The following GRM4 variants were observed in gnomAD, a reference collection of about 807,000 sequenced individuals.
GRM4 encodes metabotropic glutamate receptor 4.
GRM4 carries 28 observed loss-of-function variants against 81.7 expected under a neutral mutation model. That is an observed-to-expected ratio of 0.34 (90% CI 0.25 to 0.47). GRM4 has a LOEUF of 0.47. Among genes scored for constraint, GRM4 ranks in the 20% least tolerant of loss-of-function variants. The pLI, the probability that GRM4 is intolerant of heterozygous loss-of-function variation, is 1.00. For synonymous variants in GRM4, 488 were observed against 528.8 expected, an observed-to-expected ratio of 0.92 and a Z score of 1.06; for missense variants, 948 against 1,290.0, an observed-to-expected ratio of 0.73 and a Z score of 4.06.
chr6:34,092,580 G>A lies in GRM4; in HGVS notation c.520-481C>T, dbSNP rs1396937721. ...CTCTGCCAGCTCAGCCTCCTTCCTC[G>A]TGCCCTGCTCAGAGGAGATGGAGCC... is the stretch of plus-strand genomic sequence containing the variant. On this transcript the variant is annotated intron_variant, in intron 2 of 10. Coordinates refer to ENST00000538487, the MANE Select transcript of GRM4 (RefSeq NM_000841.4). This position sits in a 1 kb window ranked among gnomAD's most constrained non-coding sequence, Gnocchi z 6.8. 1.3e-5 allele frequency among the ~76,000 whole-genome samples: 2 copies of A among 151,946 alleles called. No individual in the cohort carries two copies. Among genetic ancestry groups the A allele is most frequent in the Non-Finnish European group, 2.9e-5 (2 of 67,972 alleles).
intron 2 of GRM4, among the ~76,000 whole-genome samples, chr6:34,117,277 G>A (rs911006359): frequency 6.6e-6 from 1 of 152,198 alleles, no homozygotes; most frequent in African/African-American, 2.4e-5. Context: ...ACTGGCCTCG[G>A]GGGAAATGGA....
chr6:34,036,071 A>T lies in GRM4; in HGVS notation c.2039T>A (p.Ile680Asn). ...LLTKTNRIYR[I>N]FEQGKRSVSA... ...GACCGAGCGCTTGCCCTGCTCGAAG[A>T]TGCGGTAGATGCGGTTGGTCTTGGT... Residue 680 changes from isoleucine (I) to asparagine (N), a missense_variant, in exon 9 of 11, where the codon ATC (isoleucine) becomes AAC (asparagine). By Grantham distance (149) the Ile-to-Asn change is moderately radical. Transcript: ENST00000538487. This position sits in a 1 kb window ranked among gnomAD's most constrained non-coding sequence, Gnocchi z 9.0. 6.2e-7 allele frequency: 1 copy of T among 1,614,170 alleles called. No individual in the cohort carries two copies. Among genetic ancestry groups the T allele is most frequent in the Non-Finnish European group, 8.5e-7 (1 of 1,180,020 alleles).
intron 2 of GRM4, among the ~76,000 whole-genome samples, chr6:34,094,164 G>C (rs1355465469): frequency 6.6e-6 from 1 of 152,232 alleles, no homozygotes; most frequent in Non-Finnish European, 1.5e-5. Context: ...GCAGGTGGAA[G>C]CTGTTTACTG....
At chr6:34,041,251 C>A (rs1012154386) in intron 6 of GRM4, among the ~76,000 whole-genome samples, 6 of 152,184 alleles carry the variant, frequency 3.9e-5, no homozygotes, top group Admixed American at 2.0e-4. Flanking sequence ...ATGTTGCCCT[C>A]ACCCCAGGGT....
chr6:34,057,913 G>A (rs1246917939), intron 5 of GRM4, among the ~76,000 whole-genome samples: 1 of 152,174 alleles, frequency 6.6e-6, no homozygotes, highest in Non-Finnish European at 1.5e-5. Flanking sequence ...GTTATGTTGT[G>A]TTTATTGTGG....
rs926921235 is a variant in GRM4 at position 34,133,665 on chromosome 6, G to A, written c.-169C>T. 9.3e-5 allele frequency: 132 copies of A among 1,416,894 alleles called. No individual in the cohort carries two copies. The highest frequency in any genetic ancestry group is 1.1e-4 in the Non-Finnish European group (125 of 1,091,416). 87.8% of individuals were successfully genotyped at this position (1,416,894 alleles called of 1,614,324 possible). On this transcript the variant is annotated 5_prime_UTR_variant, in exon 2 of 11. The change creates a premature stop within an existing upstream ORF in the 5' untranslated region. Transcript: ENST00000538487. This position sits in a 1 kb window ranked among gnomAD's most constrained non-coding sequence, Gnocchi z 6.5. ...ACCCTCTCCCACCTCCTTGTCACTC[G>A]GGCCAAGCACAGTTGCCCGCACAGT...
Position 34,028,380 on chromosome 6 carries a change from C to T in GRM4, c.2443-14G>A, listed in dbSNP as rs372537642. On this transcript the variant is annotated splice_polypyrimidine_tract_variant and intron_variant, in intron 9 of 10. Coordinates refer to ENST00000538487, the MANE Select transcript of GRM4 (RefSeq NM_000841.4). ...CTGGATGTACAGCTGGCGGAGGGCA[C>T]GGTGGCGTCAGAGCAGGCTCTGCCC... 19 of 1,605,388 alleles carry T rather than the reference C, an allele frequency of 1.2e-5. No homozygotes were observed. The highest frequency in any genetic ancestry group is 5.3e-5 in the African/African-American group (4 of 74,960).
chr6:34,062,257 A>ACT (rs1027986560), intron 3 of GRM4: 203 of 457,662 alleles, frequency 4.4e-4, no homozygotes, highest in Non-Finnish European at 2.1e-4. Context: ...TCACTTAAGT[A>ACT]CTCTGAGCCT....
At chr6:34,141,341 C>A (rs924301423) in intron 1 of GRM4, among the ~76,000 whole-genome samples, 1 of 152,212 alleles carries the variant, frequency 6.6e-6, no homozygotes, top group Non-Finnish European at 1.5e-5. Flanking sequence ...ACACCACGGC[C>A]TGCCTGTCAG....
chr6:34,089,497 G>A lies in GRM4; in HGVS notation c.736+2386C>T, dbSNP rs1768087175. The stretch of plus-strand genomic sequence containing the variant: ...TGCCCTGGCCAGGCCCCCGTAGGAT[G>A]TTGCACACTGGCATGGGGTGGCCTT... On this transcript the variant is annotated intron_variant, in intron 3 of 10. Transcript: ENST00000538487. The surrounding 1 kb of genome is among the most constrained non-coding windows in gnomAD (Gnocchi z 4.3). Among the ~76,000 whole-genome samples the A allele has an allele frequency of 1.3e-5, 2 of 152,172 alleles. No homozygotes were observed. The highest frequency in any genetic ancestry group is 2.1e-4 in the South Asian group (1 of 4,818).
At position 34,136,073 on chromosome 6, in the gene GRM4, G is replaced by A. The variant is rs766684233; in HGVS notation, c.-363-2214C>T. Among the ~76,000 whole-genome samples, 36 of 152,196 alleles carry A rather than the reference G, an allele frequency of 2.4e-4. No individual in the cohort carries two copies. Among genetic ancestry groups the A allele is most frequent in the African/African-American group, 6.5e-4 (27 of 41,454 alleles). On this transcript the variant is annotated intron_variant, in intron 1 of 10. Coordinates refer to ENST00000538487, the MANE Select transcript of GRM4 (RefSeq NM_000841.4). This position sits in a 1 kb window ranked among gnomAD's most constrained non-coding sequence, Gnocchi z 4.1. ...CCTGTCCAAATGCCGACGGTGCCTCGTGGAGAAATCACAGCAAAAGACAAC... is the reference window on the plus strand; with the variant it reads ...CCTGTCCAAATGCCGACGGTGCCTCATGGAGAAATCACAGCAAAAGACAAC...
intron 6 of GRM4, among the ~76,000 whole-genome samples, chr6:34,044,249 GAGACAT>G: frequency 8.1e-6 from 1 of 123,132 alleles, no homozygotes; most frequent in East Asian, 2.6e-4. Context: ...TACACACACA[GAGACAT>G]ACATACATAC....
chr6:34,153,170 C>T (rs954276326), intron 1 of GRM4, among the ~76,000 whole-genome samples: 1 of 152,152 alleles, frequency 6.6e-6, no homozygotes, highest in Admixed American at 6.5e-5. Flanking sequence ...GGCTCCCCGA[C>T]GCACACACCC....
Position 34,135,289 on chromosome 6 carries a change from C to G in GRM4, c.-363-1430G>C, listed in dbSNP as rs527868971. ...AGTGCCCCAGAGTCCAGCCTCAGCT[C>G]CTGAGCTTCTCCAGCCTTCTAGACC... On this transcript the variant is annotated intron_variant, in intron 1 of 10. Coordinates refer to ENST00000538487, the MANE Select transcript of GRM4 (RefSeq NM_000841.4). 3.9e-5 allele frequency among the ~76,000 whole-genome samples: 6 copies of G among 152,340 alleles called. No homozygotes were observed. The East Asian group carries it at 1.2e-3, about 29-fold the overall frequency.
At chr6:34,110,220 G>A (rs1255478680) in intron 2 of GRM4, among the ~76,000 whole-genome samples, 1 of 151,348 alleles carries the variant, frequency 6.6e-6, no homozygotes, top group Non-Finnish European at 1.5e-5. Context: ...CTTGAGCCCG[G>A]GAGGTCGAGG....
In GRM4 at chr6:34,136,979, G is replaced by A. The variant is rs906540758; in HGVS notation, c.-363-3120C>T. Among the ~76,000 whole-genome samples the A allele has an allele frequency of 2.6e-5, 4 of 152,182 alleles. No homozygotes were observed. Among genetic ancestry groups the A allele is most frequent in the African/African-American group, 4.8e-5 (2 of 41,450 alleles). On this transcript the variant is annotated intron_variant, in intron 1 of 10. Transcript: ENST00000538487. This position sits in a 1 kb window ranked among gnomAD's most constrained non-coding sequence, Gnocchi z 4.1. Reference sequence around the variant, plus strand: ...GGCCAGGCGGATGCTCCCTTCCCCCGCAGGGCCTGCTTCCTTCTGCAGAGG... The same window carrying A: ...GGCCAGGCGGATGCTCCCTTCCCCCACAGGGCCTGCTTCCTTCTGCAGAGG...
chr6:34,072,449 G>A (rs796870336), intron 3 of GRM4, among the ~76,000 whole-genome samples: 31 of 84,556 alleles, frequency 3.7e-4, no homozygotes, highest in African/African-American at 8.5e-4. Context: ...CTCACCACAC[G>A]CCACACACAT....
At chr6:34,083,732 A>T (rs749897589) in intron 3 of GRM4, among the ~76,000 whole-genome samples, 1 of 152,196 alleles carries the variant, frequency 6.6e-6, no homozygotes, top group Non-Finnish European at 1.5e-5. Flanking sequence ...CTGGTGGAAC[A>T]GTACAGAGGC....
intron 2 of GRM4, among the ~76,000 whole-genome samples, chr6:34,117,906 C>G (rs1457035390): frequency 6.6e-6 from 1 of 152,192 alleles, no homozygotes; most frequent in Non-Finnish European, 1.5e-5. Flanking sequence ...AACCAGCCAC[C>G]AGCGAGACAT....
Sources: allele counts gnomAD v4.1 joint callset (sites outside exome capture counted in the v4.1 genomes callset), GRCh38; gene constraint gnomAD v4.1.1; non-coding constraint Gnocchi (gnomAD v3.1); transcripts MANE v1.5; gene names NCBI Gene and HGNC (gene_info 2026-07-23, HGNC 2026-07-21).